Variants in ADGRB3 observed in about 807,000 individuals in gnomAD.
ADGRB3 encodes brain-specific angiogenesis inhibitor 3.
A neutral mutation model predicts 193.4 loss-of-function variants in ADGRB3; 37 were observed. That is an observed-to-expected ratio of 0.19 (90% confidence interval 0.15 to 0.25). The LOEUF (loss-of-function observed/expected upper bound fraction) is 0.25. Among genes scored for constraint, ADGRB3 ranks in the 10% least tolerant of loss-of-function variants. The probability of loss-of-function intolerance (pLI) is 1.00; values close to 1 mark genes in which losing one functional copy is unlikely to be tolerated. For missense variants in ADGRB3, 1,637 were observed against 1,852.9 expected (o/e 0.88, Z 2.14); for synonymous variants, 690 against 644.2 (o/e 1.07, Z -1.08).
In ADGRB3 at chr6:69,332,831, T is replaced by A; in HGVS notation, c.3103-92T>A. ...CATACCACTACTAGTGATACGGTGG[T>A]TATGAATTGATAAAAATAGGATTTT... On this transcript the variant is annotated intron_variant, in intron 23 of 31. Transcript: ENST00000370598. The A allele has an allele frequency of 3.9e-6, 6 of 1,543,922 alleles. No homozygotes were observed. The South Asian group carries it at 5.1e-5, about 13-fold the overall frequency.
chr6:68,730,011 G>C lies in ADGRB3; in HGVS notation c.757+90579G>C, dbSNP rs1307623440. On this transcript the variant is annotated intron_variant, in intron 3 of 31. Coordinates refer to ENST00000370598, the MANE Select transcript of ADGRB3 (RefSeq NM_001704.3). ...AAAAAAATAGTGTTTTGGAAATAAGGCTGTATTTTATTCAATCTGCTTACT... is the reference window on the plus strand; with the variant it reads ...AAAAAAATAGTGTTTTGGAAATAAGCCTGTATTTTATTCAATCTGCTTACT... Among the ~76,000 whole-genome samples, 4 of 151,260 alleles carry C rather than the reference G, an allele frequency of 2.6e-5. No individual in the cohort carries two copies. In the East Asian group the frequency reaches 7.8e-4, roughly 29 times the overall value.
At chr6:69,325,666 A>T (rs544126896) in intron 21 of ADGRB3, among the ~76,000 whole-genome samples, 1 of 152,338 alleles carries the variant, frequency 6.6e-6, no homozygotes, top group Admixed American at 6.5e-5. Context: ...TTAAGAAGCT[A>T]CTTTTAGAAA....
intron 20 of ADGRB3, among the ~76,000 whole-genome samples, chr6:69,268,215 A>G (rs963608517): frequency 2.6e-5 from 4 of 152,168 alleles, no homozygotes; most frequent in Admixed American, 2.0e-4. Flanking sequence ...ATGTGTTTTT[A>G]TAATGTGCAA....
intron 12 of ADGRB3, among the ~76,000 whole-genome samples, chr6:69,018,004 T>C (rs1452535874): frequency 6.6e-6 from 1 of 151,954 alleles, no homozygotes; most frequent in Non-Finnish European, 1.5e-5. Context: ...TATTAACTCT[T>C]TTTCCTCTTG....
intron 3 of ADGRB3, among the ~76,000 whole-genome samples, chr6:68,656,641 G>T (rs1440571346): frequency 6.6e-6 from 1 of 151,422 alleles, no homozygotes; most frequent in Non-Finnish European, 1.5e-5. Context: ...GGATAGATTT[G>T]CTGGGTTTGA....
intron 5 of ADGRB3, among the ~76,000 whole-genome samples, chr6:68,938,440 G>GTA (rs59120080): frequency 0.052 from 7,496 of 144,110 alleles, 267 homozygotes; most frequent in African/African-American, 0.11. Flanking sequence ...ATATTTTGAG[G>GTA]TATATATATA....
At chr6:68,886,833 G>A (rs951096840) in intron 3 of ADGRB3, among the ~76,000 whole-genome samples, 2 of 151,810 alleles carry the variant, frequency 1.3e-5, no homozygotes, top group African/African-American at 2.4e-5. Flanking sequence ...CGCTTTATAT[G>A]TACTGTTCTG....
At chr6:68,659,687 A>G (rs1473029837) in intron 3 of ADGRB3, among the ~76,000 whole-genome samples, 2 of 151,066 alleles carry the variant, frequency 1.3e-5, no homozygotes, top group East Asian at 3.9e-4. Context: ...CATGCGAATT[A>G]TGTGAAAGGA....
intron 20 of ADGRB3, among the ~76,000 whole-genome samples, chr6:69,290,684 G>A (rs1767646719): frequency 6.6e-6 from 1 of 152,110 alleles, no homozygotes; most frequent in African/African-American, 2.4e-5. Flanking sequence ...TAAAAGCAGA[G>A]TGTTTATGTC....
chr6:68,995,697 G>A lies in ADGRB3; in HGVS notation c.1929+1735G>A, dbSNP rs11969116. Among the ~76,000 whole-genome samples, 606 of 152,186 alleles carry A rather than the reference G, an allele frequency of 4.0e-3. 4 individuals carry two copies. Among genetic ancestry groups the A allele is most frequent in the Middle Eastern group, 0.01 (3 of 294 alleles). Reference sequence around the variant, plus strand: ...GTGTCCTCGTCATTGCCTCACAAATGGCAGCTGCATTTTCCTATGTCATTA... The same window carrying A: ...GTGTCCTCGTCATTGCCTCACAAATAGCAGCTGCATTTTCCTATGTCATTA... On this transcript the variant is annotated intron_variant, in intron 11 of 31. Transcript: ENST00000370598.
At chr6:69,038,727 A>G (rs1770945831) in intron 13 of ADGRB3, among the ~76,000 whole-genome samples, 1 of 152,230 alleles carries the variant, frequency 6.6e-6, no homozygotes, top group Non-Finnish European at 1.5e-5. Flanking sequence ...GCATAAAAAG[A>G]ATAAGCATTC....
chr6:68,738,676 C>T (rs1201168101), intron 3 of ADGRB3, among the ~76,000 whole-genome samples: 1 of 151,982 alleles, frequency 6.6e-6, no homozygotes, highest in Non-Finnish European at 1.5e-5. Context: ...TTGGCATGAG[C>T]AATTTTAAGA....
chr6:69,075,507 G>C (rs1160210133), intron 16 of ADGRB3, among the ~76,000 whole-genome samples: 1 of 152,166 alleles, frequency 6.6e-6, no homozygotes, highest in African/African-American at 2.4e-5. Flanking sequence ...ATTGCAAGTT[G>C]ACAAACTCCA....
chr6:69,274,436 G>A (rs927378341), intron 20 of ADGRB3, among the ~76,000 whole-genome samples: 5 of 112,730 alleles, frequency 4.4e-5, no homozygotes, highest in Non-Finnish European at 7.6e-5. Flanking sequence ...TCTCACATTG[G>A]TGGTTGCATT....
At chr6:68,724,640 A>T (rs2127326434) in intron 3 of ADGRB3, among the ~76,000 whole-genome samples, 1 of 150,508 alleles carries the variant, frequency 6.6e-6, no homozygotes, top group African/African-American at 2.4e-5. Flanking sequence ...TGTGATTCTG[A>T]CAGTCTAAGC....
At chr6:68,892,542 T>A (rs1344250169) in intron 3 of ADGRB3, among the ~76,000 whole-genome samples, 4 of 152,172 alleles carry the variant, frequency 2.6e-5, no homozygotes, top group African/African-American at 7.2e-5. Context: ...AGATCATAAT[T>A]TCTATTTATT....
At chr6:69,065,762 TATACACACACACACACACAC>T (rs1381179985) in intron 16 of ADGRB3, among the ~76,000 whole-genome samples, 1 of 124,690 alleles carries the variant, frequency 8.0e-6, no homozygotes, top group Non-Finnish European at 1.8e-5. Flanking sequence ...CATGTATATA[TATACACACACACACACACAC>T]ACACACACAC....
chr6:68,915,590 A>G (rs1243292112), intron 3 of ADGRB3, among the ~76,000 whole-genome samples: 1 of 152,182 alleles, frequency 6.6e-6, no homozygotes, highest in Non-Finnish European at 1.5e-5. Context: ...TGTTGCGTAG[A>G]CAGGAGAGTG....
chr6:69,303,074 A>C (rs1582618155), intron 20 of ADGRB3, among the ~76,000 whole-genome samples: 1 of 151,980 alleles, frequency 6.6e-6, no homozygotes, highest in Non-Finnish European at 1.5e-5. Flanking sequence ...CAGAAAACAA[A>C]TTGACATTAG....
Sources: allele counts gnomAD v4.1 joint callset (sites outside exome capture counted in the v4.1 genomes callset), GRCh38; gene constraint gnomAD v4.1.1; transcripts MANE v1.5; gene names NCBI Gene and HGNC (gene_info 2026-07-23, HGNC 2026-07-21).